HOMEZ: variants seen among roughly 807,000 people sequenced by gnomAD.
The protein encoded by HOMEZ is homeobox and leucine zipper encoding.
HOMEZ carries 20 observed loss-of-function variants against 50.1 expected under a neutral mutation model. That is an observed-to-expected ratio of 0.40 (90% CI 0.28 to 0.58). The LOEUF is 0.58. Ranked by LOEUF, HOMEZ falls within the 20% of genes least tolerant of loss-of-function variation. The probability of loss-of-function intolerance (pLI) is 0.46; values close to 1 mark genes in which losing one functional copy is unlikely to be tolerated. For missense variants in HOMEZ, 579 were observed against 680.5 expected (o/e 0.85, Z 1.66); for synonymous variants, 239 against 254.7 (o/e 0.94, Z 0.59).
At chr14:23,279,252 T>C (rs915986714) in intron 1 of HOMEZ, among the ~76,000 whole-genome samples, 1 of 152,210 alleles carries the variant, frequency 6.6e-6, no homozygotes, top group Non-Finnish European at 1.5e-5. Context: ...CTTTTTTTTT[T>C]CTTCTCAGTA....
chr14:23,275,360 G>A lies in HOMEZ; in HGVS notation c.*215C>T. On this transcript the variant is annotated 3_prime_UTR_variant, in exon 2 of 2. Transcript: ENST00000357460. ...CTCCCTACCCTAAGGTTAGAGGGTTGGATTTCTGCTGATCCAATCCCAGCC... is the reference window on the plus strand; with the variant it reads ...CTCCCTACCCTAAGGTTAGAGGGTTAGATTTCTGCTGATCCAATCCCAGCC... 1.7e-6 allele frequency: 1 copy of A among 592,322 alleles called. No homozygotes were observed. Among genetic ancestry groups the A allele is most frequent in the South Asian group, 2.3e-5 (1 of 42,740 alleles). 36.7% of individuals were successfully genotyped at this position (592,322 alleles called of 1,614,324 possible).
chr14:23,280,724 T>C (rs1228919890), intron 1 of HOMEZ, among the ~76,000 whole-genome samples: 14 of 71,728 alleles, frequency 2.0e-4, no homozygotes, highest in Non-Finnish European at 3.3e-4. Flanking sequence ...TATTTTATTT[T>C]ATTTTATTTT....
At chr14:23,278,958 G>A (rs1293263321) in intron 1 of HOMEZ, among the ~76,000 whole-genome samples, 1 of 151,520 alleles carries the variant, frequency 6.6e-6, no homozygotes, top group Non-Finnish European at 1.5e-5. Flanking sequence ...TTACAGGCGT[G>A]AGCCACGGCG....
chr14:23,276,646 C>A lies in HOMEZ; in HGVS notation c.582G>T (p.Leu194=), dbSNP rs151224767. Residue 194 remains leucine, a synonymous_variant, in exon 2 of 2, where the codon CTG becomes CTT. Coordinates refer to ENST00000357460, the MANE Select transcript of HOMEZ (RefSeq NM_020834.3). This position sits in a 1 kb window ranked among gnomAD's most constrained non-coding sequence, Gnocchi z 4.1. ...EPEEPSQMPP[L]PQSHQKLKES... The stretch of plus-strand genomic sequence containing the variant: ...CCTTTAATTTCTGGTGACTCTGTGG[C>A]AGTGGTGGCATCTGAGAGGGCTCCT... 62 of 1,614,016 alleles carry A rather than the reference C, an allele frequency of 3.8e-5. No homozygotes were observed. In the East Asian group the frequency reaches 1.3e-3, roughly 34 times the overall value.
rs1318263617 is a variant in HOMEZ at position 23,274,710 on chromosome 14, A to G, written c.*865T>C. The G allele has an allele frequency of 6.6e-6, 1 of 152,310 alleles. No individual in the cohort carries two copies. Among genetic ancestry groups the G allele is most frequent in the African/African-American group, 2.4e-5 (1 of 41,462 alleles). 9.4% of individuals were successfully genotyped at this position (152,310 alleles called of 1,614,324 possible). On this transcript the variant is annotated 3_prime_UTR_variant, in exon 2 of 2. Transcript: ENST00000357460. ...ATCATGAGGTCAGGAGATCAAGACC[A>G]TCCTGGCTAACATGATGAAACCCGT...
At chr14:23,278,147 G>C in intron 1 of HOMEZ, among the ~76,000 whole-genome samples, 1 of 151,734 alleles carries the variant, frequency 6.6e-6, no homozygotes, top group East Asian at 1.9e-4. Context: ...TTTTTTTAAA[G>C]AGATAATATT....
In HOMEZ at chr14:23,280,727, T is replaced by TTTA. The variant is rs1195384477; in HGVS notation, c.41-3543_41-3541dup. Among the ~76,000 whole-genome samples the TTTA allele has an allele frequency of 4.2e-3, 286 of 67,342 alleles. 9 individuals are homozygous for TTTA. Among genetic ancestry groups the TTTA allele is most frequent in the African/African-American group, 0.016 (257 of 16,358 alleles). The allele number at this position is 67,342 out of a possible 152,430, so 44.2% of individuals were successfully genotyped here. On this transcript the variant is annotated intron_variant, in intron 1 of 1. Transcript: ENST00000357460. The stretch of plus-strand genomic sequence containing the variant: ...TATTTTTATTTTTATTTTATTTTAT[T>TTTA]TTATTTTATTTTATTATTTTATTTT...
chr14:23,276,381 G>C lies in HOMEZ; in HGVS notation c.847C>G (p.Pro283Ala). 1 of 1,614,020 alleles carries C rather than the reference G, an allele frequency of 6.2e-7. No individual in the cohort carries two copies. Among genetic ancestry groups the C allele is most frequent in the South Asian group, 1.1e-5 (1 of 91,090 alleles). The change falls in exon 2 of 2, where the codon CCC becomes GCC. Residue 283 changes from proline to alanine, a missense_variant. By Grantham distance (27) the Pro-to-Ala change is conservative. Coordinates refer to ENST00000357460, the MANE Select transcript of HOMEZ (RefSeq NM_020834.3). This position sits in a 1 kb window ranked among gnomAD's most constrained non-coding sequence, Gnocchi z 4.1. ...GAAGAAGAGGTAGAGGAAGAAGAGG[G>C]AGTAACACTAGATGCTGACTCCTCC... ...CKEESASSVT[P>A]SSSSTSSSFQ...
chr14:23,277,016 A>C lies in HOMEZ; in HGVS notation c.212T>G (p.Leu71Arg). The C allele has an allele frequency of 6.2e-7, 1 of 1,614,050 alleles. No homozygotes were observed. Among genetic ancestry groups the C allele is most frequent in the South Asian group, 1.1e-5 (1 of 91,084 alleles). Residue 71 changes from leucine (L) to arginine (R), a missense_variant, in exon 2 of 2, where the codon CTC becomes CGC. Leu to Arg is a moderately radical substitution (Grantham distance 102). Transcript: ENST00000357460. ...TSELDSNEHL[L>R]KTFSYFPYPS... ...ATAGGGAAAGTAGCTGAAGGTTTTG[A>C]GCAGGTGTTCATTGCTGTCTAGCTC...
At chr14:23,283,506 C>G (rs1317785540) in intron 1 of HOMEZ, among the ~76,000 whole-genome samples, 1 of 152,204 alleles carries the variant, frequency 6.6e-6, no homozygotes, top group Non-Finnish European at 1.5e-5. Flanking sequence ...CTGTCTTAAA[C>G]TTCCAGTTTC....
chr14:23,277,737 C>A (rs1886396888), intron 1 of HOMEZ, among the ~76,000 whole-genome samples: 1 of 111,792 alleles, frequency 8.9e-6, no homozygotes, highest in South Asian at 3.2e-4. Flanking sequence ...TAGAGTGAGA[C>A]CCTATCAAAA....
chr14:23,275,678 T>C lies in HOMEZ; in HGVS notation c.1550A>G (p.Glu517Gly), dbSNP rs776855675. The C allele has an allele frequency of 1.1e-4, 180 of 1,586,792 alleles. No individual in the cohort carries two copies. The East Asian group carries it at 4.0e-3, about 36-fold the overall frequency. The change falls in exon 2 of 2, where the codon GAG (glutamate) becomes GGG (glycine). Residue 517 changes from glutamate (E) to glycine (G), a missense_variant. Physicochemically the swap from Glu to Gly is moderately conservative, Grantham distance 98. Transcript: ENST00000357460. Reference sequence around the variant, plus strand: ...TGGCAGTTCTTCCTCCTCCTCTTCCTCTTCTTCATCTAGACAAACTACCAC... The same window carrying C: ...TGGCAGTTCTTCCTCCTCCTCTTCCCCTTCTTCATCTAGACAAACTACCAC... The part of the protein sequence containing the change: ...AEVVVCLDEE[E>G]EEEEEELPED...
Position 23,280,869 on chromosome 14 carries a change from G to T in HOMEZ, c.41-3682C>A, listed in dbSNP as rs34529371. ...GCTCACTGCAACCTCCGCCTCCTGGGTTCAAGTGATTCCCTTGCCTCAGCC... is the reference window on the plus strand; with the variant it reads ...GCTCACTGCAACCTCCGCCTCCTGGTTTCAAGTGATTCCCTTGCCTCAGCC... On this transcript the variant is annotated intron_variant, in intron 1 of 1. Coordinates refer to ENST00000357460, the MANE Select transcript of HOMEZ (RefSeq NM_020834.3). Among the ~76,000 whole-genome samples, 8 of 149,848 alleles carry T rather than the reference G, an allele frequency of 5.3e-5. No individual in the cohort carries two copies. The East Asian group carries it at 1.6e-3, about 30-fold the overall frequency.
Position 23,276,893 on chromosome 14 carries a change from A to G in HOMEZ, c.335T>C (p.Ile112Thr), listed in dbSNP as rs1886377185. Reference sequence around the variant, plus strand: ...TTCTATTTCTTCAGATGACCAGCTAATACCACAGCGGAGGCGCTGGGCCAT... The same window carrying G: ...TTCTATTTCTTCAGATGACCAGCTAGTACCACAGCGGAGGCGCTGGGCCAT... ...WFMAQRLRCGISWSSEEIEET... is the reference protein window; with the variant it reads ...WFMAQRLRCGTSWSSEEIEET... The change falls in exon 2 of 2, where the codon ATT becomes ACT. Residue 112 changes from isoleucine to threonine, a missense_variant. Physicochemically the swap from Ile to Thr is moderately conservative, Grantham distance 89. Coordinates refer to ENST00000357460, the MANE Select transcript of HOMEZ (RefSeq NM_020834.3). The surrounding 1 kb of genome is among the most constrained non-coding windows in gnomAD (Gnocchi z 4.1). 6.2e-7 allele frequency: 1 copy of G among 1,613,954 alleles called. No homozygotes were observed. The highest frequency in any genetic ancestry group is 8.5e-7 in the Non-Finnish European group (1 of 1,179,918).
rs1886329475 is a variant in HOMEZ, at chr14:23,275,616, C to A, written c.1612G>T (p.Asp538Tyr). The A allele has an allele frequency of 9.1e-7, 1 of 1,094,912 alleles. No homozygotes were observed. The highest frequency in any genetic ancestry group is 1.2e-6 in the Non-Finnish European group (1 of 807,978). The allele number at this position is 1,094,912 out of a possible 1,614,324, so 67.8% of individuals were successfully genotyped here. ...ACATCATCATCATCATCATCATCAT[C>A]TTCCTCCTCCTCCTCCTCCTCTTCC... ...DEEEEEEEEE[D>Y]DDDDDDDVII... The change falls in exon 2 of 2, where the codon GAT (aspartate) becomes TAT (tyrosine). Residue 538 changes from aspartate to tyrosine, a missense_variant. Asp to Tyr is a radical substitution (Grantham distance 160). Coordinates refer to ENST00000357460, the MANE Select transcript of HOMEZ (RefSeq NM_020834.3).
At chr14:23,280,613 C>T (rs1365259691) in intron 1 of HOMEZ, among the ~76,000 whole-genome samples, 5 of 151,616 alleles carry the variant, frequency 3.3e-5, no homozygotes, top group African/African-American at 1.2e-4. Context: ...TAACTCAGCT[C>T]CCTGTGTGGG....
chr14:23,284,169 T>C (rs1886613497), intron 1 of HOMEZ, among the ~76,000 whole-genome samples: 1 of 152,228 alleles, frequency 6.6e-6, no homozygotes, highest in South Asian at 2.1e-4. Context: ...TCAGGGGCTT[T>C]AGTTGCTGCC....
chr14:23,279,348 T>C (rs899557188), intron 1 of HOMEZ, among the ~76,000 whole-genome samples: 9 of 152,244 alleles, frequency 5.9e-5, no homozygotes, highest in Admixed American at 1.3e-4. Flanking sequence ...GAAGAAGTTC[T>C]TATTCCTGAC....
chr14:23,284,122 C>A (rs1042447667), intron 1 of HOMEZ, among the ~76,000 whole-genome samples: 1 of 152,164 alleles, frequency 6.6e-6, no homozygotes, highest in African/African-American at 2.4e-5. Flanking sequence ...TTATGACTAA[C>A]CTTCCCAAAA....
Sources: allele counts gnomAD v4.1 joint callset (sites outside exome capture counted in the v4.1 genomes callset), GRCh38; gene constraint gnomAD v4.1.1; non-coding constraint Gnocchi (gnomAD v3.1); transcripts MANE v1.5; gene names NCBI Gene and HGNC (gene_info 2026-07-23, HGNC 2026-07-21).